LPXN: variants seen among roughly 807,000 people sequenced by gnomAD.
LPXN encodes the protein leupaxin.
In LPXN, 28 loss-of-function variants were observed where a neutral mutation model predicts 45.6. The ratio of observed to expected loss-of-function variants is 0.61; its 90% confidence interval spans 0.45 to 0.84. The LOEUF (loss-of-function observed/expected upper bound fraction) is 0.84, where lower values mean the gene tolerates loss of function less well. Among genes scored for constraint, LPXN ranks in the 40% least tolerant of loss-of-function variants. The pLI is 0.00. For synonymous variants in LPXN, 166 were observed against 169.9 expected (o/e 0.98, Z 0.18); for missense variants, 459 against 475.0 (o/e 0.97, Z 0.31).
rs181406120 is a variant in LPXN at position 58,550,600 on chromosome 11, G to A, written c.487-454C>T. On this transcript the variant is annotated intron_variant, in intron 5 of 8. Transcript: ENST00000395074. ...TTTTATCATAGCTTCGGTGAAGGAC[G>A]ATGCAGAACAGGAGTTTGCAGCTGT... Among the ~76,000 whole-genome samples, 173 of 152,156 alleles carry A rather than the reference G, an allele frequency of 1.1e-3. 1 individual carries two copies. The highest frequency in any genetic ancestry group is 3.9e-3 in the African/African-American group (163 of 41,424).
chr11:58,531,230 G>C (rs1853377912), intron 7 of LPXN, among the ~76,000 whole-genome samples: 2 of 152,116 alleles, frequency 1.3e-5, no homozygotes, highest in Admixed American at 6.5e-5. Flanking sequence ...GTAGGCTTCA[G>C]AAGGTGGGTA....
At chr11:58,546,611 A>G (rs1853882402) in intron 7 of LPXN, among the ~76,000 whole-genome samples, 1 of 152,196 alleles carries the variant, frequency 6.6e-6, no homozygotes, top group African/African-American at 2.4e-5. Flanking sequence ...GTCACTCAAC[A>G]AAATGGCCAG....
intron 7 of LPXN, among the ~76,000 whole-genome samples, chr11:58,542,094 GA>G (rs1262169960): frequency 6.6e-6 from 1 of 151,868 alleles, no homozygotes; most frequent in African/African-American, 2.4e-5. Flanking sequence ...AATGCTAAAT[GA>G]CGAGTTAATG....
intron 2 of LPXN, among the ~76,000 whole-genome samples, chr11:58,569,088 G>T (rs891286211): frequency 1.3e-5 from 2 of 152,166 alleles, no homozygotes; most frequent in Non-Finnish European, 1.5e-5. Context: ...TTGTGTATGT[G>T]TCTGGAGAAA....
chr11:58,528,473 G>T (rs1173558915), intron 7 of LPXN, among the ~76,000 whole-genome samples: 1 of 152,200 alleles, frequency 6.6e-6, no homozygotes, highest in East Asian at 1.9e-4. Context: ...TTCTGTCCCA[G>T]AGCCTGATAT....
intron 7 of LPXN, among the ~76,000 whole-genome samples, chr11:58,544,971 T>A (rs1853835637): frequency 6.6e-6 from 1 of 152,184 alleles, no homozygotes; most frequent in African/African-American, 2.4e-5. Context: ...GCTCAGAGGT[T>A]AAACTGTCAT....
intron 7 of LPXN, among the ~76,000 whole-genome samples, chr11:58,546,194 C>A (rs976976722): frequency 6.6e-6 from 1 of 152,096 alleles, no homozygotes; most frequent in Admixed American, 6.6e-5. Context: ...CTGGAACTTA[C>A]GTCTCCACAG....
chr11:58,533,345 G>A (rs1853453040), intron 7 of LPXN, among the ~76,000 whole-genome samples: 1 of 152,202 alleles, frequency 6.6e-6, no homozygotes, highest in African/African-American at 2.4e-5. Flanking sequence ...AACTGTACAA[G>A]CCAGAAGAGA....
At chr11:58,542,068 A>T (rs1039198686) in intron 7 of LPXN, among the ~76,000 whole-genome samples, 2 of 151,954 alleles carry the variant, frequency 1.3e-5, no homozygotes, top group East Asian at 1.9e-4. Flanking sequence ...GAGGGATAGC[A>T]TTAGGAGATA....
intron 7 of LPXN, among the ~76,000 whole-genome samples, chr11:58,536,746 T>C (rs759340652): frequency 5.6e-4 from 85 of 152,118 alleles, no homozygotes; most frequent in Non-Finnish European, 1.1e-3. Flanking sequence ...GAGAAAATTT[T>C]TGCAATCTAT....
chr11:58,578,225 C>G, upstream of LPXN: 1 of 756,170 alleles, frequency 1.3e-6, no homozygotes, highest in Non-Finnish European at 2.0e-6. Context: ...GGATGTACGG[C>G]ACGCGTCGCG....
chr11:58,543,730 A>C (rs2120275014), intron 7 of LPXN, among the ~76,000 whole-genome samples: 1 of 152,314 alleles, frequency 6.6e-6, no homozygotes, highest in South Asian at 2.1e-4. Context: ...CTCTGTGGGA[A>C]CTGACAGTAT....
intron 7 of LPXN, among the ~76,000 whole-genome samples, chr11:58,546,939 G>A (rs376860704): frequency 6.6e-6 from 1 of 152,146 alleles, no homozygotes; most frequent in African/African-American, 2.4e-5. Flanking sequence ...TTCCTTTGAA[G>A]AAAACTGTGC....
intron 7 of LPXN, among the ~76,000 whole-genome samples, chr11:58,544,124 A>G (rs950639003): frequency 3.9e-5 from 6 of 152,146 alleles, no homozygotes; most frequent in Non-Finnish European, 8.8e-5. Context: ...AGAAGAGCTC[A>G]CTTTACTTTT....
intron 1 of LPXN, among the ~76,000 whole-genome samples, chr11:58,574,784 C>T (rs191522401): frequency 2.0e-5 from 3 of 152,270 alleles, no homozygotes; most frequent in Admixed American, 2.0e-4. Context: ...CATCTCTTGC[C>T]TCCTGGTAAT....
chr11:58,564,403 T>C (rs960024268), intron 2 of LPXN, among the ~76,000 whole-genome samples: 5 of 152,176 alleles, frequency 3.3e-5, no homozygotes, highest in Non-Finnish European at 7.3e-5. Context: ...AACAGAGTAG[T>C]TGGCATGTGA....
At chr11:58,541,352 A>C (rs1853713617) in intron 7 of LPXN, among the ~76,000 whole-genome samples, 1 of 152,164 alleles carries the variant, frequency 6.6e-6, no homozygotes, top group African/African-American at 2.4e-5. Context: ...ACAAAAAAAC[A>C]AACAACCCCA....
At chr11:58,550,877 A>G (rs1854027965) in intron 5 of LPXN, among the ~76,000 whole-genome samples, 188 bp downstream of exon 5, 1 of 152,202 alleles carries the variant, frequency 6.6e-6, no homozygotes, top group Non-Finnish European at 1.5e-5. Context: ...TTCTTCTTGA[A>G]GGGCTGATGT....
rs761807382 is a variant in LPXN, at chr11:58,527,407, G to T, written c.*47C>A. On this transcript the variant is annotated 3_prime_UTR_variant, in exon 9 of 9. Coordinates refer to ENST00000395074, the MANE Select transcript of LPXN (RefSeq NM_004811.3). ...AATTTACCCTTTCCTCTCCTCTCTT[G>T]GTTTAAATTTTATAAGGAATCTGAA... 1.2e-5 allele frequency: 19 copies of T among 1,595,490 alleles called. No homozygotes were observed. The highest frequency in any genetic ancestry group is 1.6e-5 in the Non-Finnish European group (19 of 1,165,360).
Sources: gnomAD v4.1 joint callset for allele counts (sites outside exome capture counted in the v4.1 genomes callset) on GRCh38, gnomAD v4.1.1 for gene constraint, MANE v1.5 for transcripts, NCBI Gene and HGNC (gene_info 2026-07-23, HGNC 2026-07-21) for gene names.